Variants in ATP10B observed in about 807,000 individuals in gnomAD.
The protein encoded by ATP10B is ATPase phospholipid transporting 10B (putative), also known as phospholipid-transporting ATPase VB.
Under a neutral mutation model 141.2 loss-of-function variants are expected in ATP10B, and 122 were observed. The observed-to-expected ratio is 0.86, with a 90% CI of 0.75 to 1.00. ATP10B has a LOEUF of 1.00. Among genes scored for constraint, ATP10B ranks in the 50% least tolerant of loss-of-function variants. The pLI, the probability that ATP10B is intolerant of heterozygous loss-of-function variation, is 0.00. For synonymous variants in ATP10B, 685 were observed against 692.0 expected (o/e 0.99, Z 0.16); for missense variants, 1,876 against 1,825.3 (o/e 1.03, Z -0.51).
At chr5:160,715,386 G>A (rs1165514280) in intron 3 of ATP10B, among the ~76,000 whole-genome samples, 23 of 142,312 alleles carry the variant, frequency 1.6e-4, no homozygotes, top group African/African-American at 3.9e-4. Flanking sequence ...TTCCAGGTGC[G>A]TCCGTCACCC....
At chr5:160,828,859 A>G (rs560985349) in intron 1 of ATP10B, among the ~76,000 whole-genome samples, 22 of 150,656 alleles carry the variant, frequency 1.5e-4, no homozygotes, top group Non-Finnish European at 2.7e-4. Flanking sequence ...CATATACACC[A>G]TGGAATACTA....
chr5:160,830,017 T>C (rs2127975294), intron 1 of ATP10B, among the ~76,000 whole-genome samples: 1 of 152,256 alleles, frequency 6.6e-6, no homozygotes, highest in African/African-American at 2.4e-5. Flanking sequence ...GTGGGCATCC[T>C]TGTCTTGTTC....
chr5:160,670,035 A>G (rs1252640674), intron 7 of ATP10B, among the ~76,000 whole-genome samples: 1 of 151,878 alleles, frequency 6.6e-6, no homozygotes, highest in Non-Finnish European at 1.5e-5. Context: ...GCAGTTTAGG[A>G]GGGGCAGAAG....
At chr5:160,756,508 A>C (rs1768618733) in intron 2 of ATP10B, among the ~76,000 whole-genome samples, 1 of 152,228 alleles carries the variant, frequency 6.6e-6, no homozygotes, top group Non-Finnish European at 1.5e-5. Flanking sequence ...TGAGCATTCC[A>C]GTGGCTCCAC....
At chr5:160,594,019 A>G (rs1756508731) in intron 22 of ATP10B, among the ~76,000 whole-genome samples, 1 of 152,208 alleles carries the variant, frequency 6.6e-6, no homozygotes, top group South Asian at 2.1e-4. Context: ...CAACATTCAG[A>G]TTCAGGAAAT....
chr5:160,666,258 A>G (rs988268565), intron 7 of ATP10B, among the ~76,000 whole-genome samples: 3 of 152,034 alleles, frequency 2.0e-5, no homozygotes, highest in African/African-American at 7.3e-5. Flanking sequence ...AAATATGCAC[A>G]CTCAAGTCCC....
chr5:160,608,622 C>A (rs542058015), intron 18 of ATP10B, among the ~76,000 whole-genome samples: 1 of 152,270 alleles, frequency 6.6e-6, no homozygotes, highest in African/African-American at 2.4e-5. Flanking sequence ...GATCTCCATT[C>A]TAGCTGGTTT....
At chr5:160,736,210 A>G (rs566719815) in intron 2 of ATP10B, among the ~76,000 whole-genome samples, 8 of 152,302 alleles carry the variant, frequency 5.3e-5, no homozygotes, top group South Asian at 2.1e-4. Flanking sequence ...GTTAAACAAA[A>G]TGGAAAAACC....
At chr5:160,921,308 T>C in the ATP10B span, among the ~76,000 whole-genome samples, 1 of 152,102 alleles carries the variant, frequency 6.6e-6, no homozygotes, top group Admixed American at 6.6e-5. Flanking sequence ...ATCTTAAAGA[T>C]TGTTTCATAA....
At chr5:160,635,529 A>G (rs1425524869) in intron 11 of ATP10B, among the ~76,000 whole-genome samples, 1 of 152,214 alleles carries the variant, frequency 6.6e-6, no homozygotes, top group Non-Finnish European at 1.5e-5. Context: ...TGCAAGATGA[A>G]TGGAAAATAA....
chr5:160,742,393 T>A (rs979411767), intron 2 of ATP10B, among the ~76,000 whole-genome samples: 6 of 150,830 alleles, frequency 4.0e-5, no homozygotes, highest in Non-Finnish European at 7.4e-5. Flanking sequence ...TTTTGCCACT[T>A]GAAAAAAAAA....
chr5:160,648,168 G>A (rs749160638), intron 8 of ATP10B, among the ~76,000 whole-genome samples: 99 of 152,280 alleles, frequency 6.5e-4, no homozygotes, highest in Admixed American at 2.3e-3. Flanking sequence ...GCTTTCTGGG[G>A]TTGTTGTGAA....
rs151210844 is a variant in ATP10B at position 160,565,764 on chromosome 5, G to T, written c.4075C>A (p.Pro1359Thr). The T allele has an allele frequency of 4.6e-4, 740 of 1,614,010 alleles. 5 individuals carry two copies. The East Asian group carries it at 0.015, about 32-fold the overall frequency. The change falls in exon 26 of 26, where the codon CCC becomes ACC. Residue 1359 changes from proline to threonine, a missense_variant. Transcript: ENST00000327245. ...TGGTGAGTTGGTCGAGCCACTTCGG[G>T]GACAGGGGCAGGCCTCTGTCTGCTT... is the stretch of plus-strand genomic sequence containing the variant. Reference protein sequence around the residue: ...WRSRQRPAPVPEVARPTHHPV... With the variant: ...WRSRQRPAPVTEVARPTHHPV...
chr5:160,736,444 G>A (rs1207645544), intron 2 of ATP10B, among the ~76,000 whole-genome samples: 2 of 152,092 alleles, frequency 1.3e-5, no homozygotes, highest in African/African-American at 4.8e-5. Flanking sequence ...CCAATAACAA[G>A]TAATAAGATC....
chr5:160,755,599 A>C (rs1768470224), intron 2 of ATP10B, among the ~76,000 whole-genome samples: 1 of 150,096 alleles, frequency 6.7e-6, no homozygotes, highest in African/African-American at 2.4e-5. Flanking sequence ...GCGGATCACG[A>C]GGTCAGGAGA....
intron 25 of ATP10B, among the ~76,000 whole-genome samples, chr5:160,566,954 C>T (rs913112754): frequency 2.0e-4 from 31 of 152,192 alleles, no homozygotes; most frequent in African/African-American, 7.5e-4. Context: ...TGGCCAACCC[C>T]TGCCAGTGGG....
chr5:160,825,447 A>G (rs968141482), intron 1 of ATP10B, among the ~76,000 whole-genome samples: 5 of 152,216 alleles, frequency 3.3e-5, no homozygotes, highest in Non-Finnish European at 7.3e-5. Flanking sequence ...GTCTGCTGCC[A>G]TGTGAGACAT....
intron 1 of ATP10B, among the ~76,000 whole-genome samples, chr5:160,794,358 G>A (rs1212823166): frequency 2.6e-5 from 4 of 152,208 alleles, no homozygotes; most frequent in Non-Finnish European, 5.9e-5. Context: ...TGATGGGGCT[G>A]CTGACCACAG....
At chr5:160,908,415 C>A in the ATP10B span, among the ~76,000 whole-genome samples, 1 of 152,166 alleles carries the variant, frequency 6.6e-6, no homozygotes, top group Admixed American at 6.5e-5. Flanking sequence ...AGTCATTGAA[C>A]TAGTAAGTGA....
Sources: allele counts gnomAD v4.1 joint callset (sites outside exome capture counted in the v4.1 genomes callset), GRCh38; gene constraint gnomAD v4.1.1; transcripts MANE v1.5; gene names NCBI Gene and HGNC (gene_info 2026-07-23, HGNC 2026-07-21).